MED26: variants seen among roughly 807,000 people sequenced by gnomAD.
MED26 encodes the protein mediator complex subunit 26, also known as mediator of RNA polymerase II transcription subunit 26.
In MED26, 7 loss-of-function variants were observed where a neutral mutation model predicts 43.7. The ratio of observed to expected loss-of-function variants is 0.16; its 90% CI spans 0.09 to 0.30. The LOEUF is 0.30. MED26 is among the 10% of genes least tolerant of loss of function. The pLI is 1.00. For synonymous variants in MED26, 375 were observed against 371.1 expected (o/e 1.01, Z -0.12); for missense variants, 784 against 840.6 (o/e 0.93, Z 0.83).
chr19:16,577,273 C>T lies in MED26; in HGVS notation c.557G>A (p.Ser186Asn), dbSNP rs1435475260. The T allele has an allele frequency of 6.2e-7, 1 of 1,612,366 alleles. No individual in the cohort carries two copies. Among genetic ancestry groups the T allele is most frequent in the South Asian group, 1.1e-5 (1 of 91,074 alleles). The change falls in exon 3 of 3, where the codon AGT (serine) becomes AAT (asparagine). Residue 186 changes from serine to asparagine, a missense_variant. Ser to Asn is a conservative substitution (Grantham distance 46, BLOSUM62 1). Around this residue, in one of 3 missense-constraint regions of MED26, gnomAD observed 719 missense variants for 730.9 expected, o/e 0.98. Transcript: ENST00000263390. This position sits in a 1 kb window ranked among gnomAD's most constrained non-coding sequence, Gnocchi z 8.1. ...GCTGGCGAAGCTCTCTGGACTCCCACTGATCCCGTTGGTGGGGAGGGGGGA... is the reference window on the plus strand; with the variant it reads ...GCTGGCGAAGCTCTCTGGACTCCCATTGATCCCGTTGGTGGGGAGGGGGGA... ...NSSPLPTNGI[S>N]GSPESFASSL...
At chr19:16,597,143 T>A (rs2122413976) in intron 1 of MED26, among the ~76,000 whole-genome samples, 1 of 152,320 alleles carries the variant, frequency 6.6e-6, no homozygotes, top group African/African-American at 2.4e-5. Context: ...CTCTAGGAAC[T>A]CTGGGTTCTT....
At chr19:16,620,483 G>A (rs1028535624) in intron 1 of MED26, among the ~76,000 whole-genome samples, 1 of 152,226 alleles carries the variant, frequency 6.6e-6, no homozygotes, top group African/African-American at 2.4e-5. Context: ...CCCAAAACTG[G>A]CCCTGTTTAC....
intron 1 of MED26, among the ~76,000 whole-genome samples, chr19:16,621,706 G>C (rs201547152): frequency 6.6e-6 from 1 of 151,850 alleles, no homozygotes; most frequent in East Asian, 1.9e-4. Context: ...AGAATCCAAG[G>C]GCCTGGGTAT....
chr19:16,623,307 C>A lies in MED26; in HGVS notation c.72+4565G>T, dbSNP rs985704304. 2.6e-5 allele frequency among the ~76,000 whole-genome samples: 4 copies of A among 152,148 alleles called. 1 individual carries two copies. The South Asian group carries it at 8.3e-4, about 32-fold the overall frequency. On this transcript the variant is annotated intron_variant, in intron 1 of 2. Transcript: ENST00000263390. ...TATACAGAGTAAAGACAGGAGAGTC[C>A]CTGAATCTGGGCAATTGTGGATCAG...
At chr19:16,592,618 T>C (rs552743189) in intron 1 of MED26, among the ~76,000 whole-genome samples, 1 of 152,334 alleles carries the variant, frequency 6.6e-6, no homozygotes, top group South Asian at 2.1e-4. Flanking sequence ...ATGTGGAGCC[T>C]GTCACCAGCT....
At position 16,577,500 on chromosome 19, in the gene MED26, G is replaced by C. The variant is rs2086017975; in HGVS notation, c.330C>G (p.Asn110Lys). 1 of 1,595,244 alleles carries C rather than the reference G, an allele frequency of 6.3e-7. No homozygotes were observed. The highest frequency in any genetic ancestry group is 1.3e-5 in the African/African-American group (1 of 74,474). ...ATGSANGGAH[N>K]CRPEVGAAGP... ...CAGCCGCCCCCACCTCCGGCCGGCA[G>C]TTGTGTGCGCCCCCGTTGGCAGAGC... The change falls in exon 3 of 3, where the codon AAC (asparagine) becomes AAG (lysine). Residue 110 changes from asparagine (N) to lysine (K), a missense_variant. Physicochemically the swap from Asn to Lys is moderately conservative, Grantham distance 94. Transcript: ENST00000263390. The surrounding 1 kb of genome is among the most constrained non-coding windows in gnomAD (Gnocchi z 8.1).
chr19:16,608,863 G>A (rs2086185884), intron 1 of MED26, among the ~76,000 whole-genome samples: 1 of 152,224 alleles, frequency 6.6e-6, no homozygotes, highest in Non-Finnish European at 1.5e-5. Context: ...TTAAGAAAGT[G>A]ATGGAGAAAA....
rs919906365 is a variant in MED26 at position 16,575,977 on chromosome 19, C to T, written c.*50G>A. 27 of 1,550,196 alleles carry T rather than the reference C, an allele frequency of 1.7e-5. No homozygotes were observed. The highest frequency in any genetic ancestry group is 5.3e-5 in the Admixed American group (3 of 56,184). ...GGCCACCTGCCCACCTGCCTGCCCG[C>T]CCACCCGGCTTCTGCAAGATGGGAA... On this transcript the variant is annotated 3_prime_UTR_variant, in exon 3 of 3. Coordinates refer to ENST00000263390, the MANE Select transcript of MED26 (RefSeq NM_004831.5).
intron 1 of MED26, 27 bp downstream of exon 1, chr19:16,627,845 G>T: frequency 1.4e-6 from 2 of 1,463,914 alleles, no homozygotes; most frequent in South Asian, 1.3e-5. Context: ...TGCGGCCTCC[G>T]TCCCAGCTCG....
chr19:16,594,184 T>C (rs1250913279), intron 1 of MED26, among the ~76,000 whole-genome samples: 5 of 152,236 alleles, frequency 3.3e-5, no homozygotes, highest in African/African-American at 4.8e-5. Context: ...AGCTTGCTGG[T>C]AGAAGCCTGT....
intron 1 of MED26, among the ~76,000 whole-genome samples, chr19:16,598,063 A>G (rs1373168321): frequency 1.3e-5 from 2 of 151,014 alleles, no homozygotes; most frequent in Admixed American, 6.6e-5. Context: ...GGCCAGGTGC[A>G]GTGGCTCACG....
In MED26 at chr19:16,591,101, TA is replaced by T. The variant is rs538615789; in HGVS notation, c.73-12693del. Among the ~76,000 whole-genome samples, 859 of 149,154 alleles carry T rather than the reference TA, an allele frequency of 5.8e-3. 11 individuals carry two copies. Among genetic ancestry groups the T allele is most frequent in the African/African-American group, 0.019 (768 of 40,728 alleles). On this transcript the variant is annotated intron_variant, in intron 1 of 2. Transcript: ENST00000263390. ...TAAATAAATAAATAAATAAAGCTAT[TA>T]AAAAAACACCCATGGAGGCAGACAG... is the stretch of plus-strand genomic sequence containing the variant.
chr19:16,624,283 A>G (rs2086263899), intron 1 of MED26: 1 of 152,180 alleles, frequency 6.6e-6, no homozygotes, highest in African/African-American at 2.4e-5. Context: ...CAACCTTCCA[A>G]TTCTTAGGTG....
At chr19:16,584,559 C>T (rs2086062367) in intron 1 of MED26, among the ~76,000 whole-genome samples, 1 of 152,220 alleles carries the variant, frequency 6.6e-6, no homozygotes, top group Non-Finnish European at 1.5e-5. Context: ...GCGTGAGACA[C>T]CTCATTCTCC....
At chr19:16,624,087 C>T (rs918868097) in intron 1 of MED26, among the ~76,000 whole-genome samples, 10 of 151,330 alleles carry the variant, frequency 6.6e-5, no homozygotes, top group South Asian at 2.2e-4. Flanking sequence ...AGAAACTTCA[C>T]ACAATGTACC....
chr19:16,621,311 G>C (rs781297486), intron 1 of MED26, among the ~76,000 whole-genome samples: 1 of 152,190 alleles, frequency 6.6e-6, no homozygotes, highest in Non-Finnish European at 1.5e-5. Flanking sequence ...GAAGCAATGA[G>C]ACACTCCACA....
intron 1 of MED26, among the ~76,000 whole-genome samples, chr19:16,604,880 C>T (rs551769498): frequency 2.3e-4 from 35 of 152,288 alleles, no homozygotes; most frequent in Middle Eastern, 3.4e-3. Context: ...AATATGTGTC[C>T]GTCCCAAGCC....
chr19:16,594,528 G>A (rs1032803687), intron 1 of MED26, among the ~76,000 whole-genome samples: 40 of 152,324 alleles, frequency 2.6e-4, no homozygotes, highest in Non-Finnish European at 5.6e-4. Context: ...CCCTTGTCAT[G>A]ACATGTCCAA....
At chr19:16,610,900 G>A (rs552096992) in intron 1 of MED26, 1 of 152,420 alleles carries the variant, frequency 6.6e-6, no homozygotes, top group South Asian at 2.1e-4. Flanking sequence ...ACTGGATGAG[G>A]GAGAAGGTTC....
Sources: gnomAD v4.1 joint callset for allele counts (sites outside exome capture counted in the v4.1 genomes callset) on GRCh38, gnomAD v4.1.1 for gene constraint, gnomAD v4.1.1 regional missense constraint, Gnocchi (gnomAD v3.1) non-coding constraint, MANE v1.5 for transcripts, NCBI Gene and HGNC (gene_info 2026-07-23, HGNC 2026-07-21) for gene names.